Variants in DBT observed in about 807,000 individuals in gnomAD.
DBT encodes dihydrolipoamide branched chain transacylase E2, also known as lipoamide acyltransferase component of branched-chain alpha-keto acid dehydrogenase complex, mitochondrial.
A neutral mutation model predicts 51.3 loss-of-function variants in DBT; 40 were observed. That is an observed-to-expected ratio of 0.78 (90% CI 0.61 to 1.02). The LOEUF (loss-of-function observed/expected upper bound fraction) is 1.02, where lower values mean the gene tolerates loss of function less well. DBT is among the 50% of genes least tolerant of loss of function. The probability of loss-of-function intolerance (pLI) is 0.00; values close to 1 mark genes in which losing one functional copy is unlikely to be tolerated. For missense variants in DBT, 510 were observed against 580.2 expected (o/e 0.88, Z 1.24); for synonymous variants, 181 against 190.4 (o/e 0.95, Z 0.41).
rs1410504789 is a variant in DBT, at chr1:100,216,216, T to C, written c.556-17A>G. 1.3e-6 allele frequency: 2 copies of C among 1,552,570 alleles called. No homozygotes were observed. The highest frequency in any genetic ancestry group is 2.7e-5 in the African/African-American group (2 of 73,688). ...CAGCTTAATCTAAAAAATGATATAT[T>C]TTAATGCCAAAAATACAACTATTTA... On this transcript the variant is annotated splice_polypyrimidine_tract_variant and intron_variant, in intron 5 of 10. Coordinates refer to ENST00000370132, the MANE Select transcript of DBT (RefSeq NM_001918.5).
At chr1:100,224,541 A>G (rs1663058017) in intron 4 of DBT, among the ~76,000 whole-genome samples, 1 of 152,218 alleles carries the variant, frequency 6.6e-6, no homozygotes, top group Non-Finnish European at 1.5e-5. Context: ...AGCATGCAAG[A>G]TAATTGTTTA....
intron 3 of DBT, among the ~76,000 whole-genome samples, chr1:100,232,673 G>A (rs973602019): frequency 2.0e-5 from 3 of 152,026 alleles, no homozygotes; most frequent in Admixed American, 1.3e-4. Flanking sequence ...GTACAATCTC[G>A]GCTCACTGCA....
rs545893695 is a variant in DBT at position 100,218,514 on chromosome 1, T to C, written c.555+112A>G. On this transcript the variant is annotated intron_variant, in intron 5 of 10. Transcript: ENST00000370132. ...TGCTTTTCAGTAGCAAATATCTTCA[T>C]GTTTCCTTAATTTCATTGAGCTATT... 12 of 1,213,664 alleles carry C rather than the reference T, an allele frequency of 9.9e-6. No individual in the cohort carries two copies. The South Asian group carries it at 1.1e-4, about 11-fold the overall frequency. The allele number at this position is 1,213,664 out of a possible 1,614,324, so 75.2% of individuals were successfully genotyped here. A position where few individuals can be genotyped will look rare whatever the true frequency, so the allele number is the denominator to read the frequency against.
At chr1:100,200,638 G>C in intron 10 of DBT, among the ~76,000 whole-genome samples, 1 of 152,238 alleles carries the variant, frequency 6.6e-6, no homozygotes, top group East Asian at 1.9e-4. Flanking sequence ...GGGAATGACA[G>C]ACACCTCATA....
chr1:100,238,882 T>C (rs192296563), intron 2 of DBT, among the ~76,000 whole-genome samples: 36 of 152,226 alleles, frequency 2.4e-4, no homozygotes, highest in Admixed American at 1.4e-3. Flanking sequence ...TGTGTAGATG[T>C]AGTACAAGAA....
At chr1:100,242,624 C>T (rs1052569458) in intron 1 of DBT, among the ~76,000 whole-genome samples, 3 of 152,052 alleles carry the variant, frequency 2.0e-5, no homozygotes, top group Admixed American at 6.5e-5. Flanking sequence ...AACCAGAAGA[C>T]AATAAAAGAA....
intron 3 of DBT, among the ~76,000 whole-genome samples, chr1:100,234,052 T>A (rs1485224455): frequency 1.3e-5 from 2 of 152,232 alleles, no homozygotes; most frequent in Non-Finnish European, 2.9e-5. Context: ...ATTTTGCTTC[T>A]AAGAGAAGTT....
intron 4 of DBT, among the ~76,000 whole-genome samples, chr1:100,224,566 T>G (rs4143055): frequency 6.6e-6 from 1 of 151,782 alleles, no homozygotes; most frequent in Non-Finnish European, 1.5e-5. Flanking sequence ...ATATTATGAA[T>G]GGCAAATGAA....
At chr1:100,201,862 T>C (rs1661455545) in intron 10 of DBT, among the ~76,000 whole-genome samples, 1 of 152,116 alleles carries the variant, frequency 6.6e-6, no homozygotes, top group African/African-American at 2.4e-5. Flanking sequence ...TGCTGACAGA[T>C]TTTGTCACCA....
At chr1:100,212,781 G>A (rs986864719) in intron 7 of DBT, among the ~76,000 whole-genome samples, 9 of 152,210 alleles carry the variant, frequency 5.9e-5, no homozygotes, top group African/African-American at 9.7e-5. Flanking sequence ...GGCACTTCAG[G>A]TGGAATTGTG....
chr1:100,229,687 TC>T (rs1355497687), intron 4 of DBT, among the ~76,000 whole-genome samples: 1 of 152,190 alleles, frequency 6.6e-6, no homozygotes, highest in Admixed American at 6.5e-5. Context: ...TCTCAGCACT[TC>T]CAAGGAGGGA....
chr1:100,213,760 G>C, intron 7 of DBT: 1 of 1,514,762 alleles, frequency 6.6e-7, no homozygotes, highest in Non-Finnish European at 8.8e-7. Context: ...TTAAGCTTCA[G>C]GACTGTTTTG....
chr1:100,224,712 C>T (rs1334839308), intron 4 of DBT, among the ~76,000 whole-genome samples: 2 of 151,914 alleles, frequency 1.3e-5, no homozygotes, highest in Non-Finnish European at 2.9e-5. Flanking sequence ...ATAAACTGCA[C>T]ATACATAAAA....
intron 1 of DBT, among the ~76,000 whole-genome samples, chr1:100,241,996 G>C (rs1051821862): frequency 6.6e-6 from 1 of 151,856 alleles, no homozygotes; most frequent in Non-Finnish European, 1.5e-5. Context: ...ACTCCAGCCT[G>C]GTGACAGAGC....
In DBT at chr1:100,191,738, G is replaced by T. The variant is rs565312207; in HGVS notation, c.*4517C>A. 6 of 116,936 alleles carry T rather than the reference G, an allele frequency of 5.1e-5. No individual in the cohort carries two copies. The highest frequency in any genetic ancestry group is 1.4e-4 in the African/African-American group (5 of 34,998). The allele number at this position is 116,936 out of a possible 1,614,324, so 7.2% of individuals were successfully genotyped here. On this transcript the variant is annotated 3_prime_UTR_variant, in exon 11 of 11. Transcript: ENST00000370132. ...CTCCTGGGGGTGTGTGTATATATAT[G>T]TGTGTGTGTATACACACACACACAC...
At chr1:100,213,717 A>C in intron 7 of DBT, 1 of 1,581,278 alleles carries the variant, frequency 6.3e-7, no homozygotes, top group Non-Finnish European at 8.6e-7. Context: ...CTCTTTTTCT[A>C]ATGTAAATGT....
intron 1 of DBT, among the ~76,000 whole-genome samples, chr1:100,245,422 ATATATTT>A (rs1288106444): frequency 6.6e-6 from 1 of 152,184 alleles, no homozygotes; most frequent in Non-Finnish European, 1.5e-5. Context: ...TATCAGTTTT[ATATATTT>A]TATATTTGAA....
Position 100,223,626 on chromosome 1 carries a change from T to C in DBT, c.434-4879A>G, listed in dbSNP as rs574339127. On this transcript the variant is annotated intron_variant, in intron 4 of 10. Transcript: ENST00000370132. Reference sequence around the variant, plus strand: ...GGACTACAGGTGTGCTCCACCACACTTGGCTAATTTTTAAAATTTTTTGTA... The same window carrying C: ...GGACTACAGGTGTGCTCCACCACACCTGGCTAATTTTTAAAATTTTTTGTA... Among the ~76,000 whole-genome samples the C allele has an allele frequency of 9.2e-5, 14 of 152,244 alleles. No homozygotes were observed. The South Asian group carries it at 2.7e-3, about 29-fold the overall frequency.
chr1:100,214,393 C>T (rs554180844), intron 7 of DBT, among the ~76,000 whole-genome samples: 29 of 152,118 alleles, frequency 1.9e-4, no homozygotes, highest in African/African-American at 4.3e-4. Flanking sequence ...TCTGATGTTG[C>T]GAAAAGTAAT....
Sources: gnomAD v4.1 joint callset for allele counts (sites outside exome capture counted in the v4.1 genomes callset) on GRCh38, gnomAD v4.1.1 for gene constraint, MANE v1.5 for transcripts, NCBI Gene and HGNC (gene_info 2026-07-23, HGNC 2026-07-21) for gene names.